Variants in SUGCT observed in about 807,000 individuals in gnomAD.
SUGCT encodes the protein succinyl-CoA:glutarate CoA-transferase.
SUGCT carries 41 observed loss-of-function variants against 55.0 expected under a neutral mutation model. The observed-to-expected ratio is 0.74, with a 90% CI of 0.58 to 0.97. The LOEUF (loss-of-function observed/expected upper bound fraction) is 0.97, where lower values mean the gene tolerates loss of function less well. SUGCT is among the 50% of genes least tolerant of loss of function. SUGCT has a pLI of 0.00. For synonymous variants in SUGCT, 187 were observed against 200.4 expected (o/e 0.93, Z 0.56); for missense variants, 568 against 547.8 (o/e 1.04, Z -0.37).
intron 12 of SUGCT, among the ~76,000 whole-genome samples, chr7:40,580,901 A>G (rs1189124498): frequency 6.6e-6 from 1 of 152,218 alleles, no homozygotes; most frequent in African/African-American, 2.4e-5. Context: ...AGGCTATGTC[A>G]TCTATTAATA....
chr7:40,262,344 T>G (rs1488830582), intron 7 of SUGCT, among the ~76,000 whole-genome samples: 1 of 152,012 alleles, frequency 6.6e-6, no homozygotes, highest in Non-Finnish European at 1.5e-5. Flanking sequence ...GCAGTTCACT[T>G]GAGTTGCAAA....
chr7:40,498,916 T>C (rs972587191), intron 12 of SUGCT: 19 of 370,726 alleles, frequency 5.1e-5, no homozygotes, highest in Non-Finnish European at 9.6e-5. Context: ...GCAAAATCTA[T>C]GCCAAGAAGA....
intron 13 of SUGCT, among the ~76,000 whole-genome samples, chr7:40,780,212 G>A (rs1789665039): frequency 2.0e-5 from 3 of 152,150 alleles, no homozygotes; most frequent in African/African-American, 7.2e-5. Flanking sequence ...GAAGGTTTGT[G>A]TCCTAAAAGA....
chr7:40,914,183 G>T, the SUGCT span, among the ~76,000 whole-genome samples: 1 of 151,556 alleles, frequency 6.6e-6, no homozygotes, highest in Non-Finnish European at 1.5e-5. Context: ...AGGGTTCCAG[G>T]CTTGTCCTAA....
At chr7:40,588,490 A>G (rs1306106249) in intron 12 of SUGCT, among the ~76,000 whole-genome samples, 1 of 152,176 alleles carries the variant, frequency 6.6e-6, no homozygotes, top group East Asian at 1.9e-4. Context: ...TCTGTGTTTT[A>G]TAATTGAAGA....
At chr7:40,950,125 A>T in the SUGCT span, among the ~76,000 whole-genome samples, 7 of 152,114 alleles carry the variant, frequency 4.6e-5, no homozygotes, top group Non-Finnish European at 1.5e-5. Flanking sequence ...ATCTTCTTCT[A>T]TTTCATTGAG....
chr7:40,884,296 G>C, the SUGCT span, among the ~76,000 whole-genome samples: 3 of 152,186 alleles, frequency 2.0e-5, no homozygotes, highest in Non-Finnish European at 4.4e-5. Flanking sequence ...GTCCAGATTT[G>C]TATCAACATT....
the SUGCT span, among the ~76,000 whole-genome samples, chr7:41,013,757 T>TTC: frequency 1.4e-5 from 2 of 147,542 alleles, no homozygotes; most frequent in South Asian, 2.1e-4. Context: ...CTTTCTTTCT[T>TTC]TTTTTTTTTT....
At chr7:40,599,510 G>A (rs969131182) in intron 12 of SUGCT, among the ~76,000 whole-genome samples, 8 of 152,064 alleles carry the variant, frequency 5.3e-5, no homozygotes, top group African/African-American at 1.9e-4. Flanking sequence ...AAGAGTTCCT[G>A]TATGAGCATG....
chr7:40,184,134 C>T (rs1300264729), intron 3 of SUGCT, among the ~76,000 whole-genome samples: 1 of 152,074 alleles, frequency 6.6e-6, no homozygotes, highest in East Asian at 1.9e-4. Context: ...GAGACCATGC[C>T]ATTGCACCCC....
the SUGCT span, among the ~76,000 whole-genome samples, chr7:40,975,136 A>C: frequency 6.6e-6 from 1 of 152,148 alleles, no homozygotes; most frequent in Non-Finnish European, 1.5e-5. Context: ...TATTCCACAT[A>C]TCTTCTGTCT....
At chr7:40,308,339 A>G (rs1794946283) in intron 8 of SUGCT, among the ~76,000 whole-genome samples, 1 of 152,152 alleles carries the variant, frequency 6.6e-6, no homozygotes, top group South Asian at 2.1e-4. Flanking sequence ...TCCATTCGTC[A>G]ACTATGAGAC....
chr7:40,249,246 C>T (rs542486246), intron 7 of SUGCT, among the ~76,000 whole-genome samples: 1 of 146,250 alleles, frequency 6.8e-6, no homozygotes, highest in East Asian at 2.0e-4. Context: ...GAGCCATGAT[C>T]TTGCCACTGC....
At chr7:40,258,886 A>G (rs962567564) in intron 7 of SUGCT, among the ~76,000 whole-genome samples, 1 of 152,204 alleles carries the variant, frequency 6.6e-6, no homozygotes, top group African/African-American at 2.4e-5. Context: ...GTGCACTCCT[A>G]TGTTCATTGC....
At chr7:40,219,708 CA>C (rs1370140869) in intron 6 of SUGCT, among the ~76,000 whole-genome samples, 2 of 151,806 alleles carry the variant, frequency 1.3e-5, no homozygotes, top group African/African-American at 4.8e-5. Context: ...GTACATTAAA[CA>C]GACAAAATAA....
chr7:40,635,276 A>T (rs1358093792), intron 12 of SUGCT, among the ~76,000 whole-genome samples: 1 of 151,946 alleles, frequency 6.6e-6, no homozygotes, highest in Admixed American at 6.6e-5. Context: ...ACAGAGCAAG[A>T]CTCTGTCTCC....
At chr7:40,268,759 C>T (rs1791786171) in intron 7 of SUGCT, among the ~76,000 whole-genome samples, 2 of 152,038 alleles carry the variant, frequency 1.3e-5, no homozygotes, top group Non-Finnish European at 2.9e-5. Flanking sequence ...AAGCCTCAGA[C>T]TCCTGAGTAG....
the SUGCT span, among the ~76,000 whole-genome samples, chr7:40,957,990 C>T: frequency 3.9e-5 from 6 of 151,954 alleles, no homozygotes; most frequent in Non-Finnish European, 8.8e-5. Flanking sequence ...GCATTTTGGC[C>T]CCCACTCTTC....
intron 8 of SUGCT, among the ~76,000 whole-genome samples, chr7:40,308,275 G>A (rs190912147): frequency 2.0e-5 from 3 of 152,290 alleles, no homozygotes; most frequent in African/African-American, 4.8e-5. Context: ...AGAGGAGTTA[G>A]TGGCTTAGGG....
Sources: allele counts gnomAD v4.1 joint callset (sites outside exome capture counted in the v4.1 genomes callset), GRCh38; gene constraint gnomAD v4.1.1; transcripts MANE v1.5; gene names NCBI Gene and HGNC (gene_info 2026-07-23, HGNC 2026-07-21).